Variants in SREBF1 observed in about 807,000 individuals in gnomAD.
SREBF1 encodes the protein sterol regulatory element-binding protein 1.
Under a neutral mutation model 100.1 loss-of-function variants are expected in SREBF1, and 45 were observed. The observed-to-expected ratio is 0.45, with a 90% confidence interval of 0.35 to 0.58. The LOEUF is 0.58. SREBF1 is among the 20% of genes least tolerant of loss of function. The pLI, the probability that SREBF1 is intolerant of heterozygous loss-of-function variation, is 0.00. For synonymous variants in SREBF1, 657 were observed against 681.8 expected, an observed-to-expected ratio of 0.96 and a Z score of 0.57; for missense variants, 1,324 against 1,539.4, an observed-to-expected ratio of 0.86 and a Z score of 2.34.
chr17:17,817,265 C>T lies in SREBF1; in HGVS notation c.1597G>A (p.Glu533Lys), dbSNP rs1220270966. ...HSPGRNVLGT[E>K]SRDGPGWAQW... ...GGCTGGCCGGTCCCACCTCTGCTCT[C>T]GGTGCCCAGCACGTTGCGCCCAGGG... The change falls in exon 8 of 19, where the codon GAG becomes AAG. Residue 533 changes from glutamate (E) to lysine (K), a missense_variant. Coordinates refer to ENST00000261646, the MANE Select transcript of SREBF1 (RefSeq NM_004176.5). This position sits in a 1 kb window ranked among gnomAD's most constrained non-coding sequence, Gnocchi z 6.6. The T allele has an allele frequency of 3.1e-6, 5 of 1,608,306 alleles. No individual in the cohort carries two copies. Among genetic ancestry groups the T allele is most frequent in the Non-Finnish European group, 4.2e-6 (5 of 1,177,998 alleles).
chr17:17,816,028 G>T lies in SREBF1; in HGVS notation c.2215C>A (p.Arg739Ser). 1 of 1,611,804 alleles carries T rather than the reference G, an allele frequency of 6.2e-7. No individual in the cohort carries two copies. Among genetic ancestry groups the T allele is most frequent in the South Asian group, 1.1e-5 (1 of 91,010 alleles). ...TGGCGGGCACTGCTCAGGAAGAAGCGCTGTAGGGGAGGGTACTGGGCTGTC... is the reference window on the plus strand; with the variant it reads ...TGGCGGGCACTGCTCAGGAAGAAGCTCTGTAGGGGAGGGTACTGGGCTGTC... ...SLPRALHFLT[R>S]FFLSSARQAC... is the part of the protein sequence containing the mutation. Residue 739 changes from arginine (R) to serine (S), a missense_variant and splice_region_variant, in exon 12 of 19, where the codon CGC (arginine) becomes AGC (serine). Physicochemically the swap from Arg to Ser is moderately radical, Grantham distance 110 (BLOSUM62 -1). Transcript: ENST00000261646.
intron 2 of SREBF1, 40 bp from the exon 3 acceptor site, chr17:17,819,765 C>G (rs1292989264): frequency 4.5e-6 from 7 of 1,544,562 alleles, no homozygotes; most frequent in African/African-American, 1.4e-5. Context: ...ACAGACCTCC[C>G]TCTCCCACTT....
intron 1 of SREBF1, among the ~76,000 whole-genome samples, chr17:17,833,351 G>A (rs1374706301): frequency 6.9e-6 from 1 of 145,322 alleles, no homozygotes; most frequent in Non-Finnish European, 1.5e-5. Context: ...AACCTGGGAG[G>A]CGGAGCTTGC....
Position 17,817,943 on chromosome 17 carries a change from G to T in SREBF1, c.1184-27C>A, listed in dbSNP as rs1484200044. ...TGTGGGCCGAAAGGAACAGAGCCAG[G>T]AGTAAAGGCTGGATATGTGACCCCA... On this transcript the variant is annotated intron_variant, in intron 6 of 18. Transcript: ENST00000261646. The surrounding 1 kb of genome is among the most constrained non-coding windows in gnomAD (Gnocchi z 6.6). 1.3e-6 allele frequency: 2 copies of T among 1,596,844 alleles called. No homozygotes were observed. Among genetic ancestry groups the T allele is most frequent in the East Asian group, 4.5e-5 (2 of 44,880 alleles).
At chr17:17,827,142 G>A (rs923540806) in intron 1 of SREBF1, among the ~76,000 whole-genome samples, 9 of 152,234 alleles carry the variant, frequency 5.9e-5, no homozygotes, top group African/African-American at 2.2e-4. Flanking sequence ...CAGTGGGCGT[G>A]GGCAGGATAG....
Position 17,827,015 on chromosome 17 carries a change from T to C in SREBF1, c.92-6494A>G, listed in dbSNP as rs575863492. On this transcript the variant is annotated intron_variant, in intron 1 of 18. Coordinates refer to ENST00000261646, the MANE Select transcript of SREBF1 (RefSeq NM_004176.5). ...CCTGTGCCAGGCACTGGGGCCATTA[T>C]AGATGAGGTGGTCAGGGCAGCCCAT... Among the ~76,000 whole-genome samples, 9 of 152,352 alleles carry C rather than the reference T, an allele frequency of 5.9e-5. No individual in the cohort carries two copies. The South Asian group carries it at 6.2e-4, about 11-fold the overall frequency.
At chr17:17,833,693 T>C (rs1327221596) in intron 1 of SREBF1, among the ~76,000 whole-genome samples, 1 of 151,582 alleles carries the variant, frequency 6.6e-6, no homozygotes, top group African/African-American at 2.4e-5. Flanking sequence ...TTTTAAAAAA[T>C]TGATGAAGGC....
At chr17:17,830,877 G>A (rs1470491562) in intron 1 of SREBF1, among the ~76,000 whole-genome samples, 1 of 152,194 alleles carries the variant, frequency 6.6e-6, no homozygotes, top group African/African-American at 2.4e-5. Context: ...CAGTGCCCAG[G>A]GTCAAAAGGC....
chr17:17,818,727 C>T (rs956643033), intron 5 of SREBF1: 1 of 570,874 alleles, frequency 1.8e-6, no homozygotes, highest in African/African-American at 1.9e-5. Flanking sequence ...ATTCATCCTG[C>T]CTACTGTCCA....
At chr17:17,814,026 C>T in intron 16 of SREBF1, 1 of 657,344 alleles carries the variant, frequency 1.5e-6, no homozygotes, top group Non-Finnish European at 2.6e-6. Flanking sequence ...ACCATCCACC[C>T]CCCTCCTCCC....
rs372028527 is a variant in SREBF1, at chr17:17,820,371, G to T, written c.242C>A (p.Ser81Tyr). The change falls in exon 2 of 19, where the codon TCC (serine) becomes TAC (tyrosine). Residue 81 changes from serine (S) to tyrosine (Y), a missense_variant. Transcript: ENST00000261646. ...SLSPPPATLS[S>Y]SLEAFLSGPQ... ...CCCGCTCAGGAAGGCTTCAAGAGAGGAGCTCAATGTGGCAGGAGGTGGAGA... is the reference window on the plus strand; with the variant it reads ...CCCGCTCAGGAAGGCTTCAAGAGAGTAGCTCAATGTGGCAGGAGGTGGAGA... 1 of 1,612,706 alleles carries T rather than the reference G, an allele frequency of 6.2e-7. No individual in the cohort carries two copies. The highest frequency in any genetic ancestry group is 8.5e-7 in the Non-Finnish European group (1 of 1,178,928).
Position 17,816,569 on chromosome 17 carries a change from C to T in SREBF1, c.1935G>A (p.Leu645=). 6 of 1,605,694 alleles carry T rather than the reference C, an allele frequency of 3.7e-6. No individual in the cohort carries two copies. The highest frequency in any genetic ancestry group is 5.1e-6 in the Non-Finnish European group (6 of 1,177,094). ...GCTGCAGGCCCCCTGCCCGGCCTGC[C>T]AGCCAGCGGCCCACCCAGAGACGCT... ...LLQRLWVGRW[L]AGRAGGLQQD... is the part of the protein sequence containing the mutation. The change falls in exon 10 of 19, where the codon CTG becomes CTA. Residue 645 remains leucine, a synonymous_variant. Transcript: ENST00000261646.
intron 14 of SREBF1, 36 bp downstream of exon 14, chr17:17,814,799 C>T: frequency 1.2e-6 from 2 of 1,608,668 alleles, no homozygotes; most frequent in Non-Finnish European, 1.7e-6. Flanking sequence ...CACGGGGGAG[C>T]TGAGAAGGGA....
At chr17:17,818,935 C>G in intron 5 of SREBF1, 78 bp downstream of exon 5, 1 of 1,511,316 alleles carries the variant, frequency 6.6e-7, no homozygotes, top group South Asian at 1.1e-5. Flanking sequence ...GTCTCACTCC[C>G]TCTCTTCCTT....
At chr17:17,823,410 G>A (rs1219840076) in intron 1 of SREBF1, 2 of 878,198 alleles carry the variant, frequency 2.3e-6, no homozygotes, top group East Asian at 2.5e-5. Context: ...TCGGGAAGGG[G>A]CTCTTTCCTG....
rs865847793 is a variant in SREBF1 at position 17,814,364 on chromosome 17, C to T, written c.2782G>A (p.Ala928Thr). Reference protein sequence around the residue: ...AALHSFKAARALLGCAKAESG... With the variant: ...AALHSFKAARTLLGCAKAESG... Reference sequence around the variant, plus strand: ...TCTGCCTTGGCACAGCCCAGCAGGGCCCGGGCAGCCTTGAAGGAGTGCAGA... The same window carrying T: ...TCTGCCTTGGCACAGCCCAGCAGGGTCCGGGCAGCCTTGAAGGAGTGCAGA... Residue 928 changes from alanine to threonine, a missense_variant, in exon 16 of 19, where the codon GCC (alanine) becomes ACC (threonine). Transcript: ENST00000261646. 6 of 1,569,602 alleles carry T rather than the reference C, an allele frequency of 3.8e-6. No homozygotes were observed. Among genetic ancestry groups the T allele is most frequent in the Non-Finnish European group, 5.2e-6 (6 of 1,157,174 alleles).
rs1161491205 is a variant in SREBF1, at chr17:17,817,361, T to C, written c.1501A>G (p.Asn501Asp). The C allele has an allele frequency of 1.2e-6, 2 of 1,607,956 alleles. No homozygotes were observed. The highest frequency in any genetic ancestry group is 1.7e-6 in the Non-Finnish European group (2 of 1,178,102). Reference sequence around the variant, plus strand: ...GCCCCCAGCAAGGAGGCCAAGGGGTTGCAGGACAGGCAGAGGAAGACGAGC... The same window carrying C: ...GCCCCCAGCAAGGAGGCCAAGGGGTCGCAGGACAGGCAGAGGAAGACGAGC... ...CTLVFLCLSCNPLASLLGARG... is the reference protein window; with the variant it reads ...CTLVFLCLSCDPLASLLGARG... The change falls in exon 8 of 19, where the codon AAC becomes GAC. Residue 501 changes from asparagine to aspartate, a missense_variant. Coordinates refer to ENST00000261646, the MANE Select transcript of SREBF1 (RefSeq NM_004176.5). The surrounding 1 kb of genome is among the most constrained non-coding windows in gnomAD (Gnocchi z 6.6).
At chr17:17,835,200 G>A (rs1039572237) in intron 1 of SREBF1, among the ~76,000 whole-genome samples, 5 of 152,118 alleles carry the variant, frequency 3.3e-5, no homozygotes, top group African/African-American at 1.2e-4. Flanking sequence ...GCTTGGTCAC[G>A]TTGCCTCTTG....
At chr17:17,818,671 T>G in intron 5 of SREBF1, 1 of 545,754 alleles carries the variant, frequency 1.8e-6, no homozygotes, top group Non-Finnish European at 3.3e-6. Context: ...ACCATCCTCT[T>G]CCTGCTTTCT....
Sources: allele counts gnomAD v4.1 joint callset (sites outside exome capture counted in the v4.1 genomes callset), GRCh38; gene constraint gnomAD v4.1.1; non-coding constraint Gnocchi (gnomAD v3.1); transcripts MANE v1.5; gene names NCBI Gene and HGNC (gene_info 2026-07-23, HGNC 2026-07-21).